The following CENPW variants were observed in gnomAD, a reference collection of about 807,000 sequenced individuals.
CENPW encodes cancer-up-regulated gene 2 protein.
A neutral mutation model predicts 11.1 loss-of-function variants in CENPW; 3 were observed. That is an observed-to-expected ratio of 0.27 (90% CI 0.12 to 0.70). The LOEUF (loss-of-function observed/expected upper bound fraction) is 0.70, where lower values mean the gene tolerates loss of function less well. CENPW is among the 30% of genes least tolerant of loss of function. The pLI, the probability that CENPW is intolerant of heterozygous loss-of-function variation, is 0.77. For synonymous variants in CENPW, 38 were observed against 42.0 expected, an observed-to-expected ratio of 0.91 and a Z score of 0.37; for missense variants, 100 against 105.6, an observed-to-expected ratio of 0.95 and a Z score of 0.23.
the CENPW span, among the ~76,000 whole-genome samples, chr6:126,383,649 C>T: frequency 0.43 from 65,779 of 151,744 alleles, 16,311 homozygotes; most frequent in East Asian, 0.97. Flanking sequence ...CAAAACATAC[C>T]GTAAACCAAC....
chr6:126,432,887 G>T, the CENPW span, among the ~76,000 whole-genome samples: 1 of 152,156 alleles, frequency 6.6e-6, no homozygotes, highest in African/African-American at 2.4e-5. Context: ...ATGCCAGTTT[G>T]TTCTGCTACC....
At chr6:126,374,075 A>C in the CENPW span, among the ~76,000 whole-genome samples, 1 of 152,192 alleles carries the variant, frequency 6.6e-6, no homozygotes, top group Admixed American at 6.6e-5. Context: ...GGCCAGGTAT[A>C]GAGATCACAG....
chr6:126,363,027 G>A, the CENPW span, among the ~76,000 whole-genome samples: 1 of 152,116 alleles, frequency 6.6e-6, no homozygotes, highest in Non-Finnish European at 1.5e-5. Flanking sequence ...AATTTCCTAT[G>A]TTAGTCTCAA....
At chr6:126,474,287 G>A in the CENPW span, among the ~76,000 whole-genome samples, 1 of 151,950 alleles carries the variant, frequency 6.6e-6, no homozygotes, top group Admixed American at 6.6e-5. Context: ...AAACAGTAAA[G>A]CTCTTGTTTT....
At chr6:126,453,419 A>G in the CENPW span, among the ~76,000 whole-genome samples, 1 of 151,238 alleles carries the variant, frequency 6.6e-6, no homozygotes, top group Non-Finnish European at 1.5e-5. Flanking sequence ...AGAATTCTTA[A>G]GAAATTTCAT....
At chr6:126,473,287 A>G in the CENPW span, among the ~76,000 whole-genome samples, 3 of 152,126 alleles carry the variant, frequency 2.0e-5, no homozygotes, top group African/African-American at 7.2e-5. Context: ...CCTAGGAATG[A>G]GATTGCTGGA....
At chr6:126,343,658 C>A (rs542039420) in intron 1 of CENPW, among the ~76,000 whole-genome samples, 1 of 152,294 alleles carries the variant, frequency 6.6e-6, no homozygotes, top group East Asian at 1.9e-4. Flanking sequence ...AGCTGAAGAA[C>A]TTGGAGTCTG....
the CENPW span, among the ~76,000 whole-genome samples, chr6:126,380,478 T>C: frequency 6.6e-6 from 1 of 152,172 alleles, no homozygotes; most frequent in South Asian, 2.1e-4. Context: ...ATGTTGTTCA[T>C]GGCAGAGGGT....
the CENPW span, among the ~76,000 whole-genome samples, chr6:126,451,016 A>G: frequency 6.6e-6 from 1 of 151,116 alleles, no homozygotes; most frequent in East Asian, 2.0e-4. Flanking sequence ...AAAACTATGG[A>G]AGCAATTATA....
At chr6:126,393,017 T>G in the CENPW span, among the ~76,000 whole-genome samples, 1 of 151,984 alleles carries the variant, frequency 6.6e-6, no homozygotes, top group Non-Finnish European at 1.5e-5. Flanking sequence ...TGGTTCAATC[T>G]TGGTAGGTTG....
intron 2 of CENPW, among the ~76,000 whole-genome samples, chr6:126,347,235 A>T (rs1209964403): frequency 6.6e-6 from 1 of 152,152 alleles, no homozygotes; most frequent in East Asian, 1.9e-4. Flanking sequence ...TGGGGATGAT[A>T]GAGGAGGGAA....
At chr6:126,385,936 G>C in the CENPW span, among the ~76,000 whole-genome samples, 1 of 152,080 alleles carries the variant, frequency 6.6e-6, no homozygotes, top group South Asian at 2.1e-4. Flanking sequence ...AAAGAAGGAG[G>C]AGAAGAGATT....
At chr6:126,355,661 T>G in the CENPW span, among the ~76,000 whole-genome samples, 2 of 152,164 alleles carry the variant, frequency 1.3e-5, no homozygotes, top group African/African-American at 4.8e-5. Flanking sequence ...TATAATTTTT[T>G]AAAAGGCTAT....
the CENPW span, among the ~76,000 whole-genome samples, chr6:126,372,474 C>A: frequency 1.3e-5 from 2 of 152,040 alleles, no homozygotes; most frequent in Non-Finnish European, 2.9e-5. Context: ...GATGGTAAGC[C>A]TTTAAATTAA....
the CENPW span, among the ~76,000 whole-genome samples, chr6:126,354,177 AG>A: frequency 6.6e-6 from 1 of 152,020 alleles, no homozygotes; most frequent in Non-Finnish European, 1.5e-5. Flanking sequence ...GTCTTCACAG[AG>A]GGATCATTTT....
chr6:126,453,588 G>A, the CENPW span, among the ~76,000 whole-genome samples: 5 of 151,042 alleles, frequency 3.3e-5, no homozygotes, highest in African/African-American at 1.2e-4. Flanking sequence ...ATTCCTACTG[G>A]TCACCACAAA....
At chr6:126,466,812 A>T in the CENPW span, among the ~76,000 whole-genome samples, 1 of 152,286 alleles carries the variant, frequency 6.6e-6, no homozygotes, top group African/African-American at 2.4e-5. Flanking sequence ...ATATCAATGT[A>T]CAAAAATCAC....
At chr6:126,436,711 T>C in the CENPW span, among the ~76,000 whole-genome samples, 2 of 151,876 alleles carry the variant, frequency 1.3e-5, no homozygotes, top group Non-Finnish European at 2.9e-5. Flanking sequence ...TAATAATATC[T>C]AATCATAACC....
the CENPW span, among the ~76,000 whole-genome samples, chr6:126,375,298 C>T: frequency 5.9e-5 from 9 of 152,126 alleles, no homozygotes; most frequent in East Asian, 1.7e-3. Flanking sequence ...CACTCTGAAA[C>T]TGTAATGAGG....
Sources: gnomAD v4.1 joint callset for allele counts (sites outside exome capture counted in the v4.1 genomes callset) on GRCh38, gnomAD v4.1.1 for gene constraint, MANE v1.5 for transcripts, NCBI Gene and HGNC (gene_info 2026-07-23, HGNC 2026-07-21) for gene names.